NSD2: variants seen among roughly 807,000 people sequenced by gnomAD.
NSD2 encodes histone-lysine N-methyltransferase NSD2.
In NSD2, 12 loss-of-function variants were observed where a neutral mutation model predicts 139.0. That is an observed-to-expected ratio of 0.09 (90% CI 0.06 to 0.14). The LOEUF (loss-of-function observed/expected upper bound fraction) is 0.14. Ranked by LOEUF, NSD2 falls within the 10% of genes least tolerant of loss-of-function variation. The pLI, the probability that NSD2 is intolerant of heterozygous loss-of-function variation, is 1.00. For synonymous variants in NSD2, 669 were observed against 648.7 expected (o/e 1.03, Z -0.48); for missense variants, 1,155 against 1,745.0 (o/e 0.66, Z 6.02).
Position 1,958,175 on chromosome 4 carries a change from A to G in NSD2, c.2985+139A>G. ...TCTGTGGTGCCTGGCATGGATGGCC[A>G]CACAAGAGACCATGAGCAAATGGCA... On this transcript the variant is annotated intron_variant, in intron 16 of 21. Transcript: ENST00000508803. The surrounding 1 kb of genome is among the most constrained non-coding windows in gnomAD (Gnocchi z 4.6). 3.7e-6 allele frequency: 3 copies of G among 800,820 alleles called. No individual in the cohort carries two copies. The highest frequency in any genetic ancestry group is 1.7e-5 in the African/African-American group (1 of 57,922). 49.6% of individuals were successfully genotyped at this position (800,820 alleles called of 1,614,324 possible).
In NSD2 at chr4:1,900,986, C is replaced by T. The variant is rs746073848; in HGVS notation, c.332C>T (p.Pro111Leu). Residue 111 changes from proline (P) to leucine (L), a missense_variant, in exon 2 of 22, where the codon CCC becomes CTC. Physicochemically the swap from Pro to Leu is moderately conservative, Grantham distance 98. Coordinates refer to ENST00000508803, the MANE Select transcript of NSD2 (RefSeq NM_001042424.3). ...CAGGAAATGAAAGGGATTGGGACAC[C>T]CCCTAACACTACCCCTATCAAAAAT... Reference protein sequence around the residue: ...ESQEMKGIGTPPNTTPIKNGS... With the variant: ...ESQEMKGIGTLPNTTPIKNGS... 1.9e-6 allele frequency: 3 copies of T among 1,613,980 alleles called. No individual in the cohort carries two copies. In the African/African-American group the frequency reaches 4.0e-5, roughly 22 times the overall value.
Position 1,948,234 on chromosome 4 carries a change from A to G in NSD2, c.1882-2838A>G, listed in dbSNP as rs192223519. The G allele has an allele frequency of 9.4e-7, 1 of 1,064,498 alleles. No homozygotes were observed. Among genetic ancestry groups the G allele is most frequent in the African/African-American group, 1.6e-5 (1 of 61,088 alleles). 65.9% of individuals were successfully genotyped at this position (1,064,498 alleles called of 1,614,324 possible). A position where few individuals can be genotyped will look rare whatever the true frequency, so the allele number is the denominator to read the frequency against. ...TGTGGTGGACGCGGGAAACAACGGG[A>G]AAGTTCTTGACAGAGTCTGTGTCCG... On this transcript the variant is annotated intron_variant, in intron 9 of 21. Transcript: ENST00000508803. This position sits in a 1 kb window ranked among gnomAD's most constrained non-coding sequence, Gnocchi z 4.5.
At position 1,885,059 on chromosome 4, in the gene NSD2, G is replaced by T. The variant is rs1421978114; in HGVS notation, c.-30+13517G>T. On this transcript the variant is annotated intron_variant, in intron 1 of 21. Coordinates refer to ENST00000508803, the MANE Select transcript of NSD2 (RefSeq NM_001042424.3). ...CGGGAGGCGGAGGTTGCAGTGAGCC[G>T]AGATCATGCCATTGTATTCCAGCCT... Among the ~76,000 whole-genome samples, 11 of 151,584 alleles carry T rather than the reference G, an allele frequency of 7.3e-5. 1 individual carries two copies. Among genetic ancestry groups the T allele is most frequent in the African/African-American group, 2.7e-4 (11 of 41,208 alleles).
chr4:1,886,173 T>G (rs1377857760), intron 1 of NSD2, among the ~76,000 whole-genome samples: 1 of 152,180 alleles, frequency 6.6e-6, no homozygotes, highest in East Asian at 1.9e-4. Context: ...CAGAGTTCCA[T>G]CAAGGCAACC....
intron 6 of NSD2, among the ~76,000 whole-genome samples, chr4:1,931,352 A>G: frequency 6.6e-6 from 1 of 152,164 alleles, no homozygotes; most frequent in Non-Finnish European, 1.5e-5. Flanking sequence ...AAAAAAACCA[A>G]AAGTGCTAGT....
At chr4:1,928,052 A>G (rs553877181) in intron 5 of NSD2, among the ~76,000 whole-genome samples, 9 of 151,036 alleles carry the variant, frequency 6.0e-5, no homozygotes, top group East Asian at 1.9e-4. Context: ...ACCATACCCA[A>G]CTAATTTAAA....
chr4:1,894,230 T>C (rs1248055422), intron 1 of NSD2, among the ~76,000 whole-genome samples: 4 of 152,226 alleles, frequency 2.6e-5, no homozygotes, highest in Non-Finnish European at 5.9e-5. Context: ...GTGGTGGGAT[T>C]ACAGGTGTGA....
intron 1 of NSD2, among the ~76,000 whole-genome samples, chr4:1,895,718 C>G (rs1043124099): frequency 9.2e-5 from 14 of 152,334 alleles, no homozygotes; most frequent in African/African-American, 2.6e-4. Context: ...GGGGGGCTCC[C>G]CATGAGCAGT....
chr4:1,960,929 T>C, intron 17 of NSD2, 106 bp from the exon 18 acceptor site: 1 of 774,182 alleles, frequency 1.3e-6, no homozygotes, highest in East Asian at 2.5e-5. Flanking sequence ...GGTATGCTGA[T>C]GTGTGTGGTG....
Position 1,981,356 on chromosome 4 carries a change from C to G in NSD2, c.*2447C>G. ...GGCTGACCACGCCCCCAGCTGTGAC[C>G]GTGGGTGTGGCTGGCTCTCGGCCCT... On this transcript the variant is annotated 3_prime_UTR_variant, in exon 22 of 22. Coordinates refer to ENST00000508803, the MANE Select transcript of NSD2 (RefSeq NM_001042424.3). 1 of 233,308 alleles carries G rather than the reference C, an allele frequency of 4.3e-6. No homozygotes were observed. The highest frequency in any genetic ancestry group is 5.6e-5 in the Admixed American group (1 of 17,792). 14.5% of individuals were successfully genotyped at this position (233,308 alleles called of 1,614,324 possible).
At chr4:1,913,443 T>G (rs1054126918) in intron 3 of NSD2, among the ~76,000 whole-genome samples, 4 of 152,262 alleles carry the variant, frequency 2.6e-5, no homozygotes, top group African/African-American at 7.2e-5. Flanking sequence ...CGTCTCCCTG[T>G]GATGCTGTGC....
intron 8 of NSD2, among the ~76,000 whole-genome samples, chr4:1,938,817 A>G (rs1722767217): frequency 1.3e-5 from 2 of 152,190 alleles, no homozygotes; most frequent in African/African-American, 2.4e-5. Flanking sequence ...TTACTAGAAA[A>G]GTGATTTCAA....
chr4:1,872,625 A>AGAGAGAGAGAGG (rs1560534095), intron 1 of NSD2, among the ~76,000 whole-genome samples: 1 of 144,118 alleles, frequency 6.9e-6, no homozygotes, highest in Admixed American at 7.0e-5. Context: ...AGAGAGAGAG[A>AGAGAGAGAGAGG]GAGAGAGAGA....
chr4:1,965,441 A>G (rs1430933920), intron 18 of NSD2, among the ~76,000 whole-genome samples: 3 of 152,228 alleles, frequency 2.0e-5, no homozygotes, highest in African/African-American at 7.2e-5. Context: ...AGAGAGAAAG[A>G]GGCAGAGACA....
At chr4:1,923,795 T>C (rs1560658922) in intron 5 of NSD2, among the ~76,000 whole-genome samples, 1 of 152,178 alleles carries the variant, frequency 6.6e-6, no homozygotes, top group Non-Finnish European at 1.5e-5. Context: ...TGACAGACTA[T>C]GGTATGTTCC....
At chr4:1,884,478 C>T (rs1279338948) in intron 1 of NSD2, among the ~76,000 whole-genome samples, 2 of 152,082 alleles carry the variant, frequency 1.3e-5, no homozygotes, top group Non-Finnish European at 2.9e-5. Flanking sequence ...ACTGCAACCT[C>T]CAGCTCCCTG....
chr4:1,893,952 A>T (rs1406496189), intron 1 of NSD2: 2 of 152,294 alleles, frequency 1.3e-5, no homozygotes, highest in African/African-American at 4.8e-5. Flanking sequence ...ATTGATTGAC[A>T]GACAGTCTTG....
In NSD2 at chr4:1,948,146, G is replaced by A. The variant is rs555715101; in HGVS notation, c.1882-2926G>A. Reference sequence around the variant, plus strand: ...GTAGAGAGTGGAGAAAGTATTTTCAGACTGAAGAAAACTTTGAAAAGTCAG... The same window carrying A: ...GTAGAGAGTGGAGAAAGTATTTTCAAACTGAAGAAAACTTTGAAAAGTCAG... On this transcript the variant is annotated intron_variant, in intron 9 of 21. Transcript: ENST00000508803. The surrounding 1 kb of genome is among the most constrained non-coding windows in gnomAD (Gnocchi z 4.5). 1.9e-6 allele frequency: 2 copies of A among 1,062,076 alleles called. No individual in the cohort carries two copies. The highest frequency in any genetic ancestry group is 1.0e-4 in the East Asian group (2 of 19,676). The allele number at this position is 1,062,076 out of a possible 1,614,324, so 65.8% of individuals were successfully genotyped here.
intron 3 of NSD2, among the ~76,000 whole-genome samples, chr4:1,907,935 A>G (rs1431733010): frequency 6.6e-6 from 1 of 152,100 alleles, no homozygotes; most frequent in Non-Finnish European, 1.5e-5. Context: ...GATGGCTGGT[A>G]GCTTTCGTGG....
Sources: gnomAD v4.1 joint callset for allele counts (sites outside exome capture counted in the v4.1 genomes callset) on GRCh38, gnomAD v4.1.1 for gene constraint, Gnocchi (gnomAD v3.1) non-coding constraint, MANE v1.5 for transcripts, NCBI Gene and HGNC (gene_info 2026-07-23, HGNC 2026-07-21) for gene names.